Variants in DCHS2 observed in about 807,000 individuals in gnomAD.
DCHS2 encodes the protein dachsous cadherin-related 2.
DCHS2 carries 142 observed loss-of-function variants against 182.4 expected under a neutral mutation model. The ratio of observed to expected loss-of-function variants is 0.78; its 90% CI spans 0.68 to 0.89. The LOEUF (loss-of-function observed/expected upper bound fraction) is 0.89, where lower values mean the gene tolerates loss of function less well. DCHS2 is among the 40% of genes least tolerant of loss of function. DCHS2 has a pLI of 0.00. For missense variants in DCHS2, 4,319 were observed against 4,198.6 expected, an observed-to-expected ratio of 1.03 and a Z score of -0.79; for synonymous variants, 1,740 against 1,663.3, an observed-to-expected ratio of 1.05 and a Z score of -1.12.
chr4:154,329,500 C>T (rs1225459981), intron 6 of DCHS2, 23 bp downstream of exon 6: 12 of 1,602,434 alleles, frequency 7.5e-6, no homozygotes, highest in Non-Finnish European at 9.4e-6. Context: ...ATTACAAATT[C>T]ATTGCAAGGT....
intron 1 of DCHS2, among the ~76,000 whole-genome samples, chr4:154,432,209 C>T (rs570895991): frequency 9.9e-5 from 15 of 152,278 alleles, no homozygotes; most frequent in African/African-American, 3.4e-4. Flanking sequence ...CTTGAATAGT[C>T]CATCTTTTTA....
intron 3 of DCHS2, among the ~76,000 whole-genome samples, chr4:154,361,253 C>T (rs371651489): frequency 1.3e-5 from 2 of 152,036 alleles, no homozygotes; most frequent in East Asian, 3.9e-4. Flanking sequence ...ATCTGAATTC[C>T]TCAAACCTCA....
At chr4:154,473,530 C>T (rs983303109) in intron 1 of DCHS2, among the ~76,000 whole-genome samples, 1 of 152,036 alleles carries the variant, frequency 6.6e-6, no homozygotes, top group Non-Finnish European at 1.5e-5. Context: ...TGCGCCTTGC[C>T]CAATTTTGAT....
At chr4:154,330,328 C>T (rs1306425672) in intron 5 of DCHS2, among the ~76,000 whole-genome samples, 1 of 151,782 alleles carries the variant, frequency 6.6e-6, no homozygotes, top group Non-Finnish European at 1.5e-5. Context: ...TTTTTTATCT[C>T]ACAAAATATA....
Position 154,409,920 on chromosome 4 carries a change from G to A in DCHS2, c.2053-32476C>T, listed in dbSNP as rs114444972. Among the ~76,000 whole-genome samples, 396 of 152,304 alleles carry A rather than the reference G, an allele frequency of 2.6e-3. 3 individuals carry two copies. Among genetic ancestry groups the A allele is most frequent in the African/African-American group, 8.9e-3 (371 of 41,574 alleles). On this transcript the variant is annotated intron_variant, in intron 1 of 19. Transcript: ENST00000357232. ...ATAGTCATCACTGACATTGATTGCA[G>A]CTGAAGAACCTGCACAGATGCTATA...
chr4:154,236,373 A>T lies in DCHS2; in HGVS notation c.8279T>A (p.Leu2760Gln). 1 of 1,614,102 alleles carries T rather than the reference A, an allele frequency of 6.2e-7. No individual in the cohort carries two copies. Among genetic ancestry groups the T allele is most frequent in the Non-Finnish European group, 8.5e-7 (1 of 1,179,982 alleles). Reference protein sequence around the residue: ...FSFAVVFVSVLDDNDHAPQFM... With the variant: ...FSFAVVFVSVQDDNDHAPQFM... ...CTGAGGTGCATGGTCGTTATCATCC[A>T]GGACACTGACAAACACAACTGCAAA... Residue 2760 changes from leucine to glutamine, a missense_variant, in exon 20 of 20, where the codon CTG becomes CAG. Physicochemically the swap from Leu to Gln is moderately radical, Grantham distance 113. Coordinates refer to ENST00000357232, the MANE Select transcript of DCHS2 (RefSeq NM_001358235.2).
intron 3 of DCHS2, chr4:154,343,707 T>A (rs1463832912): frequency 7.6e-7 from 1 of 1,324,048 alleles, no homozygotes; most frequent in Non-Finnish European, 9.7e-7. Context: ...GGGAATGATG[T>A]GGCTGCTTTG....
chr4:154,334,601 T>G (rs1487797301), intron 4 of DCHS2: 2 of 367,478 alleles, frequency 5.4e-6, no homozygotes, highest in South Asian at 7.7e-5. Flanking sequence ...GAGTGGGTTA[T>G]AGGAGACATA....
rs1728819464 is a variant in DCHS2 at position 154,491,154 on chromosome 4, T to C, written c.202A>G (p.Asn68Asp). Reference sequence around the variant, plus strand: ...CCCTCATCTACGGAAAGGGTGAGGTTGAACAACTGGGCAGAGGAGCCCGAG... The same window carrying C: ...CCCTCATCTACGGAAAGGGTGAGGTCGAACAACTGGGCAGAGGAGCCCGAG... ...AASGSSAQLF[N>D]LTLSVDEGLP... Residue 68 changes from asparagine to aspartate, a missense_variant, in exon 1 of 20, where the codon AAC becomes GAC. Asn to Asp is a conservative substitution (Grantham distance 23). Transcript: ENST00000357232. 1 of 1,551,086 alleles carries C rather than the reference T, an allele frequency of 6.4e-7. No individual in the cohort carries two copies. The highest frequency in any genetic ancestry group is 1.4e-5 in the African/African-American group (1 of 73,012).
chr4:154,381,536 C>T (rs985815182), intron 1 of DCHS2, among the ~76,000 whole-genome samples: 1 of 152,016 alleles, frequency 6.6e-6, no homozygotes, highest in African/African-American at 2.4e-5. Context: ...CTAGAGAATT[C>T]GTAAGACTCT....
At chr4:154,443,524 A>T (rs1333169122) in intron 1 of DCHS2, among the ~76,000 whole-genome samples, 4 of 151,950 alleles carry the variant, frequency 2.6e-5, no homozygotes. Context: ...GAACTTCCAT[A>T]TTTTCCCACC....
At chr4:154,466,867 G>C (rs1019968391) in intron 1 of DCHS2, among the ~76,000 whole-genome samples, 1 of 152,148 alleles carries the variant, frequency 6.6e-6, no homozygotes, top group African/African-American at 2.4e-5. Context: ...GGTTTAACTA[G>C]ATTTTACTCT....
intron 1 of DCHS2, among the ~76,000 whole-genome samples, chr4:154,431,062 T>C (rs116813322): frequency 6.6e-6 from 1 of 152,212 alleles, no homozygotes; most frequent in Non-Finnish European, 1.5e-5. Context: ...TACATGTTTA[T>C]GTGTATTTTA....
chr4:154,490,190 C>A lies in DCHS2; in HGVS notation c.1166G>T (p.Gly389Val). ...HQLVVEARDG[G>V]AEPEVATVRV... ...CACCGTGGCAACCTCAGGCTCGGCG[C>A]CTCCATCGCGGGCCTCCACCACCAA... The change falls in exon 1 of 20, where the codon GGC becomes GTC. Residue 389 changes from glycine to valine, a missense_variant. Coordinates refer to ENST00000357232, the MANE Select transcript of DCHS2 (RefSeq NM_001358235.2). The A allele has an allele frequency of 6.5e-7, 1 of 1,549,420 alleles. No homozygotes were observed. Among genetic ancestry groups the A allele is most frequent in the Non-Finnish European group, 8.7e-7 (1 of 1,146,688 alleles).
chr4:154,384,935 T>G (rs1431325218), intron 1 of DCHS2, among the ~76,000 whole-genome samples: 1 of 152,132 alleles, frequency 6.6e-6, no homozygotes, highest in East Asian at 1.9e-4. Context: ...ATTTTTATTT[T>G]TATTATACTT....
intron 13 of DCHS2, among the ~76,000 whole-genome samples, chr4:154,274,439 A>C (rs1157876432): frequency 6.6e-6 from 1 of 152,164 alleles, no homozygotes; most frequent in Non-Finnish European, 1.5e-5. Flanking sequence ...AAGGACTTGT[A>C]CTGAACATAG....
chr4:154,407,902 A>T (rs1212536186), intron 1 of DCHS2, among the ~76,000 whole-genome samples: 1 of 151,762 alleles, frequency 6.6e-6, no homozygotes, highest in African/African-American at 2.4e-5. Flanking sequence ...TTTTTTCATG[A>T]CCCCTTTCCT....
At chr4:154,302,896 G>C (rs1244768981) in intron 12 of DCHS2, among the ~76,000 whole-genome samples, 2 of 134,906 alleles carry the variant, frequency 1.5e-5, no homozygotes, top group Non-Finnish European at 3.2e-5. Flanking sequence ...ATATATATAC[G>C]TGTATATATA....
Position 154,235,886 on chromosome 4 carries a change from T to C in DCHS2, c.8766A>G (p.Ser2922=), listed in dbSNP as rs1044202976. ...TTTTATTTACTGAAAAGAAAGGAGA[T>C]GAGGTTCCAAGGGAGTAAAGAATGA... ...DGVILYSLGT[S]SPFFSVNKTN... Residue 2922 remains serine, a synonymous_variant, in exon 20 of 20, where the codon TCA becomes TCG. Transcript: ENST00000357232. The C allele has an allele frequency of 1.2e-6, 2 of 1,614,006 alleles. No individual in the cohort carries two copies. Among genetic ancestry groups the C allele is most frequent in the South Asian group, 1.1e-5 (1 of 91,080 alleles).
Sources: allele counts gnomAD v4.1 joint callset (sites outside exome capture counted in the v4.1 genomes callset), GRCh38; gene constraint gnomAD v4.1.1; transcripts MANE v1.5; gene names NCBI Gene and HGNC (gene_info 2026-07-23, HGNC 2026-07-21).